Variants in CACNA2D1 observed in about 807,000 individuals in gnomAD.
CACNA2D1 encodes calcium voltage-gated channel auxiliary subunit alpha2delta 1.
A neutral mutation model predicts 171.5 loss-of-function variants in CACNA2D1; 53 were observed. The ratio of observed to expected loss-of-function variants is 0.31; its 90% CI spans 0.25 to 0.39. The LOEUF (loss-of-function observed/expected upper bound fraction) is 0.39. Ranked by LOEUF, CACNA2D1 falls within the 10% of genes least tolerant of loss-of-function variation. CACNA2D1 has a pLI of 1.00. For synonymous variants in CACNA2D1, 442 were observed against 443.1 expected (o/e 1.00, Z 0.03); for missense variants, 903 against 1,299.8 (o/e 0.69, Z 4.69).
At chr7:82,096,812 T>G (rs1262636522) in intron 6 of CACNA2D1, among the ~76,000 whole-genome samples, 1 of 151,948 alleles carries the variant, frequency 6.6e-6, no homozygotes, top group East Asian at 1.9e-4. Context: ...GCATCATATT[T>G]AATCATTTTT....
chr7:82,013,993 A>T (rs1005797339), intron 13 of CACNA2D1, among the ~76,000 whole-genome samples: 16 of 152,128 alleles, frequency 1.1e-4, no homozygotes, highest in African/African-American at 3.1e-4. Context: ...TATTTGAATT[A>T]TCCTGGAATG....
At chr7:82,360,245 T>A (rs1248164587) in intron 1 of CACNA2D1, among the ~76,000 whole-genome samples, 1 of 152,160 alleles carries the variant, frequency 6.6e-6, no homozygotes, top group Non-Finnish European at 1.5e-5. Flanking sequence ...TCTGTTTCAT[T>A]GATAGAAAGA....
At chr7:82,273,467 T>C (rs574011634) in intron 3 of CACNA2D1, among the ~76,000 whole-genome samples, 9 of 151,366 alleles carry the variant, frequency 5.9e-5, no homozygotes, top group South Asian at 2.1e-4. Context: ...ATATCTTCTC[T>C]ATAATATAAT....
intron 3 of CACNA2D1, among the ~76,000 whole-genome samples, chr7:82,258,159 A>T (rs1219877276): frequency 6.6e-6 from 1 of 152,180 alleles, no homozygotes; most frequent in East Asian, 1.9e-4. Flanking sequence ...GAAGGAATGA[A>T]TCCAGCACTC....
At chr7:81,986,080 C>T (rs1796934815) in intron 21 of CACNA2D1, among the ~76,000 whole-genome samples, 1 of 152,202 alleles carries the variant, frequency 6.6e-6, no homozygotes, top group Non-Finnish European at 1.5e-5. Context: ...TATTCTCATG[C>T]TAATACTCAA....
At chr7:82,389,659 A>G (rs1032337809) in intron 1 of CACNA2D1, among the ~76,000 whole-genome samples, 1 of 152,160 alleles carries the variant, frequency 6.6e-6, no homozygotes, top group Non-Finnish European at 1.5e-5. Context: ...ATGTATGACC[A>G]TAGAAATTCC....
intron 5 of CACNA2D1, among the ~76,000 whole-genome samples, chr7:82,128,422 G>A (rs905444604): frequency 6.6e-6 from 1 of 152,146 alleles, no homozygotes; most frequent in African/African-American, 2.4e-5. Context: ...GAGGAACGTA[G>A]ATAACTATAA....
intron 19 of CACNA2D1, among the ~76,000 whole-genome samples, chr7:81,996,447 T>C (rs1404367717): frequency 6.6e-6 from 1 of 151,918 alleles, no homozygotes; most frequent in African/African-American, 2.4e-5. Flanking sequence ...AGTTAATCCA[T>C]CTGGAAAAAT....
intron 3 of CACNA2D1, among the ~76,000 whole-genome samples, chr7:82,272,397 A>G (rs1257294447): frequency 1.3e-5 from 2 of 152,220 alleles, no homozygotes; most frequent in Non-Finnish European, 2.9e-5. Flanking sequence ...TATGTCTACA[A>G]ATTTGATACA....
At chr7:81,973,472 C>T (rs1033169613) in intron 25 of CACNA2D1, among the ~76,000 whole-genome samples, 11 of 151,870 alleles carry the variant, frequency 7.2e-5, no homozygotes, top group Admixed American at 2.6e-4. Flanking sequence ...TAAGAGTCAG[C>T]TTTAAGAAAG....
intron 18 of CACNA2D1, among the ~76,000 whole-genome samples, chr7:82,004,218 C>A (rs1480280707): frequency 6.6e-6 from 1 of 152,016 alleles, no homozygotes; most frequent in African/African-American, 2.4e-5. Context: ...ATAAATTACT[C>A]TTTTAAGAGG....
At chr7:82,051,412 T>A (rs1315277756) in intron 10 of CACNA2D1, among the ~76,000 whole-genome samples, 9 of 152,202 alleles carry the variant, frequency 5.9e-5, no homozygotes, top group Non-Finnish European at 1.3e-4. Context: ...AACTAACTTT[T>A]TAAAAAGTTA....
At chr7:82,040,452 CA>C (rs34257660) in intron 10 of CACNA2D1, among the ~76,000 whole-genome samples, 1,797 of 106,456 alleles carry the variant, frequency 0.017, 19 homozygotes, top group East Asian at 0.049. Flanking sequence ...ATAATTTATT[CA>C]AAAAAAAAAA....
chr7:82,084,037 C>A (rs567046334), intron 7 of CACNA2D1, among the ~76,000 whole-genome samples: 38 of 152,202 alleles, frequency 2.5e-4, no homozygotes, highest in South Asian at 4.1e-4. Flanking sequence ...TGTTTTTCAG[C>A]TTGCTCTAAA....
intron 2 of CACNA2D1, among the ~76,000 whole-genome samples, chr7:82,344,214 A>C (rs1818998116): frequency 6.6e-6 from 1 of 152,180 alleles, no homozygotes; most frequent in African/African-American, 2.4e-5. Context: ...GATAATCACA[A>C]GTATTTCCAT....
chr7:82,286,866 A>G (rs1307103074), intron 3 of CACNA2D1, among the ~76,000 whole-genome samples: 1 of 152,168 alleles, frequency 6.6e-6, no homozygotes, highest in Non-Finnish European at 1.5e-5. Flanking sequence ...ATTTACAAAG[A>G]TGAAATAGAC....
chr7:82,414,233 T>C (rs1004755712), intron 1 of CACNA2D1, among the ~76,000 whole-genome samples: 8 of 152,278 alleles, frequency 5.3e-5, no homozygotes, highest in African/African-American at 1.4e-4. Context: ...CATGTAAACA[T>C]TGTGCTCTAC....
At chr7:82,109,533 C>A (rs1429092663) in intron 6 of CACNA2D1, among the ~76,000 whole-genome samples, 1 of 152,140 alleles carries the variant, frequency 6.6e-6, no homozygotes. Flanking sequence ...AGTCAGCATC[C>A]TGTAAAATTT....
At chr7:82,211,857 C>T (rs1208663734) in intron 3 of CACNA2D1, among the ~76,000 whole-genome samples, 1 of 152,148 alleles carries the variant, frequency 6.6e-6, no homozygotes, top group African/African-American at 2.4e-5. Context: ...TCTCTGCAAC[C>T]TCACCAAACA....
Sources: gnomAD v4.1 joint callset for allele counts (sites outside exome capture counted in the v4.1 genomes callset) on GRCh38, gnomAD v4.1.1 for gene constraint, MANE v1.5 for transcripts, NCBI Gene and HGNC (gene_info 2026-07-23, HGNC 2026-07-21) for gene names.